SULT1B1: variants seen among roughly 807,000 people sequenced by gnomAD.
SULT1B1 encodes sulfotransferase 1B1.
In SULT1B1, 28 loss-of-function variants were observed where a neutral mutation model predicts 34.6. The ratio of observed to expected loss-of-function variants is 0.81; its 90% CI spans 0.60 to 1.11. SULT1B1 has a LOEUF of 1.11. Ranked by LOEUF, SULT1B1 falls within the 50% of genes least tolerant of loss-of-function variation. SULT1B1 has a pLI of 0.00. For synonymous variants in SULT1B1, 147 were observed against 110.2 expected (o/e 1.33, Z -2.09); for missense variants, 374 against 352.2 (o/e 1.06, Z -0.50).
chr4:69,721,239 G>A lies in SULT1B1; in HGVS notation c.*5849C>T, dbSNP rs1332884106. ...GGATTACTTCACTGCTGAAAGTAAT[G>A]TCTCGATAATGTGGAAATTTTACAT... On this transcript the variant is annotated 3_prime_UTR_variant, in exon 8 of 8. Coordinates refer to ENST00000310613, the MANE Select transcript of SULT1B1 (RefSeq NM_014465.4). 1 of 152,086 alleles carries A rather than the reference G, an allele frequency of 6.6e-6. No homozygotes were observed. The highest frequency in any genetic ancestry group is 1.5e-5 in the Non-Finnish European group (1 of 68,008). The allele number at this position is 152,086 out of a possible 1,614,324, so 9.4% of individuals were successfully genotyped here.
chr4:69,749,931 A>C, intron 3 of SULT1B1, 113 bp from the exon 4 acceptor site: 1 of 704,724 alleles, frequency 1.4e-6, no homozygotes. Context: ...AATGCAGATA[A>C]ATTCTGAAAC....
chr4:69,739,182 C>T (rs796282469), intron 4 of SULT1B1, among the ~76,000 whole-genome samples: 10 of 152,286 alleles, frequency 6.6e-5, no homozygotes, highest in African/African-American at 2.4e-4. Context: ...GATGGTGGCC[C>T]TCTTCTCACA....
intron 4 of SULT1B1, among the ~76,000 whole-genome samples, chr4:69,740,112 A>T (rs1268515728): frequency 1.3e-5 from 2 of 152,084 alleles, no homozygotes; most frequent in Non-Finnish European, 2.9e-5. Flanking sequence ...AGTCCTTCAA[A>T]CTGTTCCAAC....
chr4:69,740,308 A>G lies in SULT1B1; in HGVS notation c.376-6044T>C, dbSNP rs11249460. Among the ~76,000 whole-genome samples the G allele has an allele frequency of 0.61, 93,151 of 152,058 alleles. 28,684 individuals carry two copies. The highest frequency in any genetic ancestry group is 0.72 in the East Asian group (3,719 of 5,172). ...TGACTCACAGTTTCCTATTGCTTGC[A>G]AGGCCCCAGGAAACTTACAATCATG... On this transcript the variant is annotated intron_variant, in intron 4 of 7. Coordinates refer to ENST00000310613, the MANE Select transcript of SULT1B1 (RefSeq NM_014465.4).
chr4:69,746,698 T>C (rs1718759537), intron 4 of SULT1B1, among the ~76,000 whole-genome samples: 1 of 152,204 alleles, frequency 6.6e-6, no homozygotes, highest in South Asian at 2.1e-4. Context: ...GTCTGTCATT[T>C]CAACAATTTC....
In SULT1B1 at chr4:69,755,259, G is replaced by T. The variant is rs748164216; in HGVS notation, c.-42C>A. 2 of 1,589,808 alleles carry T rather than the reference G, an allele frequency of 1.3e-6. No homozygotes were observed. The highest frequency in any genetic ancestry group is 1.7e-6 in the Non-Finnish European group (2 of 1,160,208). On this transcript the variant is annotated splice_region_variant and 5_prime_UTR_variant, in exon 2 of 8. Transcript: ENST00000310613. ...ACAAATATATAATAGATTGACAGTT[G>T]TTCTGGAGAAATATAGAGAATAAAA...
intron 3 of SULT1B1, among the ~76,000 whole-genome samples, chr4:69,751,824 C>T (rs1718994522): frequency 6.6e-6 from 1 of 152,194 alleles, no homozygotes; most frequent in South Asian, 2.1e-4. Flanking sequence ...TCAGGCAATG[C>T]TGCATATCCT....
At chr4:69,740,909 A>C (rs192023084) in intron 4 of SULT1B1, among the ~76,000 whole-genome samples, 3 of 152,244 alleles carry the variant, frequency 2.0e-5, no homozygotes, top group Non-Finnish European at 4.4e-5. Context: ...CCTCTTCAAC[A>C]TTCTGGTTTT....
At chr4:69,744,301 C>A (rs530764575) in intron 4 of SULT1B1, among the ~76,000 whole-genome samples, 6 of 152,188 alleles carry the variant, frequency 3.9e-5, no homozygotes, top group African/African-American at 7.2e-5. Flanking sequence ...GGAGGCGCAG[C>A]GGCCCTGGCC....
At chr4:69,736,020 A>G (rs1288320895) in intron 4 of SULT1B1, among the ~76,000 whole-genome samples, 1 of 152,200 alleles carries the variant, frequency 6.6e-6, no homozygotes, top group Non-Finnish European at 1.5e-5. Context: ...GCCGTGTGGC[A>G]TGGTGAGAAT....
chr4:69,730,514 A>G lies in SULT1B1; in HGVS notation c.765T>C (p.Pro255=). ...PTTVMDHSKS[P]FMRKGTAGDW... ...CAAAGTATTTACCTTTACGCATAAA[A>G]GGGGATTTGCTATGATCCATCACTG... Residue 255 remains proline (P), a synonymous_variant, in exon 7 of 8, where the codon CCT becomes CCC. Transcript: ENST00000310613. 6.2e-7 allele frequency: 1 copy of G among 1,602,192 alleles called. No individual in the cohort carries two copies. Among genetic ancestry groups the G allele is most frequent in the Non-Finnish European group, 8.5e-7 (1 of 1,170,706 alleles).
Position 69,755,153 on chromosome 4 carries a change from C to T in SULT1B1, c.65G>A (p.Cys22Tyr). 6.2e-7 allele frequency: 1 copy of T among 1,613,892 alleles called. No homozygotes were observed. ...LKLVHGYPMTCAFASNWEKIE... is the reference protein window; with the variant it reads ...LKLVHGYPMTYAFASNWEKIE... The stretch of plus-strand genomic sequence containing the variant: ...TTTTTCCCAGTTGCTTGCAAAAGCA[C>T]AGGTCATGGGATAACCATGGACCAA... The change falls in exon 2 of 8, where the codon TGT becomes TAT. Residue 22 changes from cysteine to tyrosine, a missense_variant. Physicochemically the swap from Cys to Tyr is radical, Grantham distance 194. Transcript: ENST00000310613.
rs141592322 is a variant in SULT1B1, at chr4:69,753,583, G to A, written c.277+1087C>T. On this transcript the variant is annotated intron_variant, in intron 3 of 7. Transcript: ENST00000310613. The stretch of plus-strand genomic sequence containing the variant: ...TCTTTCATGGATCATTTTAGTCTCC[G>A]GACTATATCAAGATCTTCCTGGAAT... Among the ~76,000 whole-genome samples the A allele has an allele frequency of 1.3e-3, 194 of 152,054 alleles. 1 individual carries two copies. The highest frequency in any genetic ancestry group is 4.1e-3 in the African/African-American group (172 of 41,454).
chr4:69,743,142 T>C (rs944950448), intron 4 of SULT1B1, among the ~76,000 whole-genome samples: 2 of 152,172 alleles, frequency 1.3e-5, no homozygotes, highest in African/African-American at 4.8e-5. Flanking sequence ...TCAGGCCTGT[T>C]TGTGTTACAG....
intron 4 of SULT1B1, among the ~76,000 whole-genome samples, chr4:69,742,567 G>T (rs1457850544): frequency 6.6e-6 from 1 of 152,192 alleles, no homozygotes; most frequent in Non-Finnish European, 1.5e-5. Context: ...GTCTGTTCAT[G>T]ATTTAAATTT....
chr4:69,746,880 T>C (rs541989705), intron 4 of SULT1B1, among the ~76,000 whole-genome samples: 1 of 152,368 alleles, frequency 6.6e-6, no homozygotes, highest in East Asian at 1.9e-4. Flanking sequence ...TTTGCTTTTA[T>C]ATTCTTTGTT....
intron 4 of SULT1B1, among the ~76,000 whole-genome samples, chr4:69,747,990 G>A (rs952502614): frequency 6.6e-6 from 1 of 151,890 alleles, no homozygotes; most frequent in Non-Finnish European, 1.5e-5. Context: ...TTTTCAGGGG[G>A]AGAAGCTCTT....
chr4:69,735,865 G>C (rs1372372678), intron 4 of SULT1B1, among the ~76,000 whole-genome samples: 4 of 152,124 alleles, frequency 2.6e-5, no homozygotes, highest in African/African-American at 4.8e-5. Flanking sequence ...CCTACACACA[G>C]AAAGTACCTT....
chr4:69,725,118 C>T lies in SULT1B1; in HGVS notation c.*1970G>A, dbSNP rs1475100276. On this transcript the variant is annotated 3_prime_UTR_variant, in exon 8 of 8. Transcript: ENST00000310613. ...AATGGGAGAAAATTTTTGCAATCTA[C>T]TCATCTGACAAAGGGCTAATATCCA... 6.6e-6 allele frequency: 1 copy of T among 151,718 alleles called. No homozygotes were observed. Among genetic ancestry groups the T allele is most frequent in the Admixed American group, 6.6e-5 (1 of 15,246 alleles). The allele number at this position is 151,718 out of a possible 1,614,324, so 9.4% of individuals were successfully genotyped here. A position where few individuals can be genotyped will look rare whatever the true frequency, so the allele number is the denominator to read the frequency against.
Sources: allele counts gnomAD v4.1 joint callset (sites outside exome capture counted in the v4.1 genomes callset), GRCh38; gene constraint gnomAD v4.1.1; transcripts MANE v1.5; gene names NCBI Gene and HGNC (gene_info 2026-07-23, HGNC 2026-07-21).